The following CUBN variants were observed in gnomAD, a reference collection of about 807,000 sequenced individuals.
CUBN encodes 460 kDa receptor.
A neutral mutation model predicts 405.3 loss-of-function variants in CUBN; 282 were observed. That is an observed-to-expected ratio of 0.70 (90% CI 0.63 to 0.77). The LOEUF is 0.77. Among genes scored for constraint, CUBN ranks in the 30% least tolerant of loss-of-function variants. The pLI is 0.00. For missense variants in CUBN, 4,514 were observed against 4,475.2 expected, an observed-to-expected ratio of 1.01 and a Z score of -0.25; for synonymous variants, 1,684 against 1,617.0, an observed-to-expected ratio of 1.04 and a Z score of -0.99.
intron 8 of CUBN, among the ~76,000 whole-genome samples, chr10:17,112,442 T>C (rs1424830931): frequency 6.6e-6 from 1 of 151,978 alleles, no homozygotes; most frequent in East Asian, 1.9e-4. Context: ...TCAGGAAAAA[T>C]AGGGTGATAA....
Position 16,848,690 on chromosome 10 carries a change from C to CTT in CUBN, c.9663+2543_9663+2544dup, listed in dbSNP as rs10562297. 9.9e-3 allele frequency among the ~76,000 whole-genome samples: 530 copies of CTT among 53,350 alleles called. 129 individuals are homozygous for CTT. The highest frequency in any genetic ancestry group is 0.024 in the African/African-American group (406 of 16,836). 35.0% of individuals were successfully genotyped at this position (53,350 alleles called of 152,430 possible). A position where few individuals can be genotyped will look rare whatever the true frequency, so the allele number is the denominator to read the frequency against. Reference sequence around the variant, plus strand: ...TCTAGTCATTTTGGTCTCTCCCAGCCTTTTTTTTTTTTTTTTTTTTTTTTT... The same window carrying CTT: ...TCTAGTCATTTTGGTCTCTCCCAGCCTTTTTTTTTTTTTTTTTTTTTTTTTTT... On this transcript the variant is annotated intron_variant, in intron 60 of 66. Coordinates refer to ENST00000377833, the MANE Select transcript of CUBN (RefSeq NM_001081.4).
intron 6 of CUBN, chr10:17,121,805 G>C (rs371724276): frequency 1.3e-4 from 20 of 152,298 alleles, no homozygotes; most frequent in African/African-American, 4.6e-4. Flanking sequence ...TGAAGAACAA[G>C]ATAGCAGAGA....
chr10:17,025,188 T>C (rs535037904), intron 27 of CUBN, among the ~76,000 whole-genome samples: 2 of 152,378 alleles, frequency 1.3e-5, no homozygotes, highest in South Asian at 4.1e-4. Flanking sequence ...CTATTCTTTC[T>C]ATAGAATAAA....
At chr10:17,026,075 G>A (rs1241241495) in intron 27 of CUBN, among the ~76,000 whole-genome samples, 1 of 152,166 alleles carries the variant, frequency 6.6e-6, no homozygotes, top group Admixed American at 6.5e-5. Context: ...ACCCAGCCCT[G>A]TAGTTCCTGC....
At position 16,843,625 on chromosome 10, in the gene CUBN, T is replaced by C. The variant is rs577778013; in HGVS notation, c.9664-2578A>G. ...ACAAGTTAAAATTTCATGATAATCA[T>C]TGCTGTCTTTATGATCACATTTATA... On this transcript the variant is annotated intron_variant, in intron 60 of 66. Coordinates refer to ENST00000377833, the MANE Select transcript of CUBN (RefSeq NM_001081.4). Among the ~76,000 whole-genome samples the C allele has an allele frequency of 7.2e-5, 11 of 152,314 alleles. No individual in the cohort carries two copies. The South Asian group carries it at 2.1e-3, about 29-fold the overall frequency.
chr10:16,921,108 C>T (rs1842022056), intron 43 of CUBN, among the ~76,000 whole-genome samples: 1 of 152,214 alleles, frequency 6.6e-6, no homozygotes, highest in Non-Finnish European at 1.5e-5. Flanking sequence ...CCCATCTCAA[C>T]ACAGCCAAGC....
intron 26 of CUBN, 121 bp downstream of exon 26, chr10:17,043,706 C>A: frequency 7.3e-7 from 1 of 1,372,116 alleles, no homozygotes; most frequent in Non-Finnish European, 1.0e-6. Flanking sequence ...ATTTGAAGGC[C>A]CACTCTAGGC....
chr10:16,952,338 C>T lies in CUBN; in HGVS notation c.4907G>A (p.Arg1636Gln), dbSNP rs538984401. The T allele has an allele frequency of 6.2e-7, 1 of 1,613,888 alleles. No homozygotes were observed. The highest frequency in any genetic ancestry group is 2.2e-5 in the East Asian group (1 of 44,880). Residue 1636 changes from arginine to glutamine, a missense_variant, in exon 33 of 67, where the codon CGG becomes CAG. Arg to Gln is a conservative substitution (Grantham distance 43). Coordinates refer to ENST00000377833, the MANE Select transcript of CUBN (RefSeq NM_001081.4). ...ATTGTTTGGATAATTGGCAGGGAAC[C>T]GTGGAGAGGAAACAGTATCAAATGA... ...TSSFDTVSSP[R>Q]FPANYPNNQN...
intron 29 of CUBN, among the ~76,000 whole-genome samples, chr10:16,988,774 T>C (rs1833498781): frequency 6.6e-6 from 1 of 152,202 alleles, no homozygotes; most frequent in Non-Finnish European, 1.5e-5. Context: ...TCTCAGGATT[T>C]ACTGGAGTGT....
rs564429505 is a variant in CUBN, at chr10:16,825,001, C to T, written c.10846G>A (p.Ala3616Thr). The change falls in exon 67 of 67, where the codon GCA becomes ACA. Residue 3616 changes from alanine (A) to threonine (T), a missense_variant. This residue lies in a region of CUBN where 1,186 missense variants were observed against 1,186.9 expected (regional missense o/e 1.00). Coordinates refer to ENST00000377833, the MANE Select transcript of CUBN (RefSeq NM_001081.4). ...TAGCTGTCCCAAGTTAATCGGAATG[C>T]GGATGGACGCCGTGCATAATCAGCA... ...FHADYARRPS[A>T]FRLTWDS 56 of 1,613,422 alleles carry T rather than the reference C, an allele frequency of 3.5e-5. No individual in the cohort carries two copies. Among genetic ancestry groups the T allele is most frequent in the South Asian group, 2.3e-4 (21 of 91,034 alleles).
rs527267534 is a variant in CUBN, at chr10:17,122,406, A to G, written c.593+389T>C. Reference sequence around the variant, plus strand: ...GCTTGCTAATACATGGAAAGAGTACAGCTGGGGACACTGGTGTGGTGGGGT... The same window carrying G: ...GCTTGCTAATACATGGAAAGAGTACGGCTGGGGACACTGGTGTGGTGGGGT... On this transcript the variant is annotated intron_variant, in intron 6 of 66. Transcript: ENST00000377833. 2.0e-4 allele frequency: 70 copies of G among 341,526 alleles called. 2 individuals are homozygous for G. The highest frequency in any genetic ancestry group is 1.7e-3 in the South Asian group (67 of 38,638). The allele number at this position is 341,526 out of a possible 1,614,324, so 21.2% of individuals were successfully genotyped here.
intron 28 of CUBN, among the ~76,000 whole-genome samples, chr10:17,005,657 A>G (rs1018466147): frequency 2.6e-5 from 4 of 151,928 alleles, no homozygotes; most frequent in African/African-American, 9.7e-5. Context: ...TGTCCTAGCT[A>G]TTTTTTTCTG....
chr10:16,887,600 AAC>A (rs1166310065), intron 56 of CUBN, among the ~76,000 whole-genome samples: 1 of 152,220 alleles, frequency 6.6e-6, no homozygotes, highest in East Asian at 1.9e-4. Context: ...GAGAAAAGGG[AAC>A]TCTTCCTCGT....
intron 19 of CUBN, among the ~76,000 whole-genome samples, chr10:17,069,736 G>T (rs1025277332): frequency 2.6e-5 from 4 of 152,070 alleles, no homozygotes; most frequent in African/African-American, 9.7e-5. Flanking sequence ...TAGAGATGGG[G>T]TCTCACTATG....
intron 62 of CUBN, among the ~76,000 whole-genome samples, chr10:16,838,619 A>G (rs1170018284): frequency 6.6e-6 from 1 of 152,224 alleles, no homozygotes; most frequent in African/African-American, 2.4e-5. Context: ...ATTCAGACTC[A>G]GCCTTTTTTA....
At chr10:16,905,838 C>T (rs1333883185) in intron 50 of CUBN, among the ~76,000 whole-genome samples, 2 of 152,074 alleles carry the variant, frequency 1.3e-5, no homozygotes, top group East Asian at 3.9e-4. Context: ...GTAGGCCAGC[C>T]GTGGTGGCTC....
Position 16,984,106 on chromosome 10 carries a change from T to C in CUBN, c.4524A>G (p.Gly1508=), listed in dbSNP as rs778301521. 2 of 1,614,118 alleles carry C rather than the reference T, an allele frequency of 1.2e-6. No individual in the cohort carries two copies. Among genetic ancestry groups the C allele is most frequent in the Non-Finnish European group, 8.5e-7 (1 of 1,179,998 alleles). Residue 1508 remains glycine, a splice_region_variant and synonymous_variant, in exon 30 of 67, where the codon GGA becomes GGG. Transcript: ENST00000377833. ...GFNASWQAVT[G]GCGGIFQAPS... ...AGGAAACCTCCTTTTCTCACTCACC[T>C]CCAGTGACTGCTTGCCATGACGCAT...
Position 17,019,936 on chromosome 10 carries a change from C to T in CUBN, c.4065G>A (p.Leu1355=), listed in dbSNP as rs928801309. 1 of 1,614,122 alleles carries T rather than the reference C, an allele frequency of 6.2e-7. No individual in the cohort carries two copies. The highest frequency in any genetic ancestry group is 1.7e-5 in the Admixed American group (1 of 60,026). ...RQMGRYCGVD[L]PPPGSTTSSK... Reference sequence around the variant, plus strand: ...AGCTTGTAGTACTCCCTGGAGGGGGCAGGTCTACTCCACAGTAGCGTCCCA... The same window carrying T: ...AGCTTGTAGTACTCCCTGGAGGGGGTAGGTCTACTCCACAGTAGCGTCCCA... Residue 1355 remains leucine (L), a synonymous_variant, in exon 28 of 67, where the codon CTG becomes CTA. Coordinates refer to ENST00000377833, the MANE Select transcript of CUBN (RefSeq NM_001081.4).
Position 16,835,142 on chromosome 10 carries a change from G to A in CUBN, c.10234C>T (p.Pro3412Ser), listed in dbSNP as rs1420418150. The A allele has an allele frequency of 2.5e-6, 4 of 1,613,980 alleles. No individual in the cohort carries two copies. Among genetic ancestry groups the A allele is most frequent in the East Asian group, 2.2e-5 (1 of 44,890 alleles). Residue 3412 changes from proline (P) to serine (S), a missense_variant, in exon 64 of 67, where the codon CCA becomes TCA. Physicochemically the swap from Pro to Ser is moderately conservative, Grantham distance 74. Around this residue, in one of 5 missense-constraint regions of CUBN, gnomAD observed 1,186 missense variants for 1,186.9 expected, o/e 1.00. Coordinates refer to ENST00000377833, the MANE Select transcript of CUBN (RefSeq NM_001081.4). ...TCCTTGTCATTGTCGTAGTTATCTG[G>A]CCATCCAGGGCTTCTCAGGTTGCCA... ...AFGNLRSPGW[P>S]DNYDNDKDCT...
Sources: gnomAD v4.1 joint callset for allele counts (sites outside exome capture counted in the v4.1 genomes callset) on GRCh38, gnomAD v4.1.1 for gene constraint, gnomAD v4.1.1 regional missense constraint, MANE v1.5 for transcripts, NCBI Gene and HGNC (gene_info 2026-07-23, HGNC 2026-07-21) for gene names.